Variants in WASHC5 observed in about 807,000 individuals in gnomAD.
WASHC5 encodes WASH complex subunit strumpellin.
Under a neutral mutation model 150.4 loss-of-function variants are expected in WASHC5, and 101 were observed. The ratio of observed to expected loss-of-function variants is 0.67; its 90% confidence interval spans 0.57 to 0.79. WASHC5 has a LOEUF of 0.79. Ranked by LOEUF, WASHC5 falls within the 30% of genes least tolerant of loss-of-function variation. The probability of loss-of-function intolerance (pLI) is 0.00; values close to 1 mark genes in which losing one functional copy is unlikely to be tolerated. For synonymous variants in WASHC5, 467 were observed against 491.2 expected, an observed-to-expected ratio of 0.95 and a Z score of 0.65; for missense variants, 1,195 against 1,396.3, an observed-to-expected ratio of 0.86 and a Z score of 2.30.
At chr8:125,030,831 T>C (rs73704521) in intron 27 of WASHC5, among the ~76,000 whole-genome samples, 2,378 of 151,986 alleles carry the variant, frequency 0.016, 51 homozygotes, top group African/African-American at 0.055. Context: ...CCAGAAAAAG[T>C]CACTCACTAT....
chr8:125,041,634 G>A (rs544713935), intron 23 of WASHC5, among the ~76,000 whole-genome samples: 1 of 145,492 alleles, frequency 6.9e-6, no homozygotes, highest in South Asian at 2.2e-4. Flanking sequence ...GAGTGAGACT[G>A]TCTCAAAAAA....
chr8:125,052,052 C>T (rs1816255601), intron 17 of WASHC5, among the ~76,000 whole-genome samples: 1 of 152,146 alleles, frequency 6.6e-6, no homozygotes, highest in African/African-American at 2.4e-5. Context: ...TCACTAAATC[C>T]TATTTCTTAA....
chr8:125,049,139 T>A lies in WASHC5; in HGVS notation c.2246A>T (p.Asp749Val), dbSNP rs1422663286. The change falls in exon 19 of 29, where the codon GAT (aspartate) becomes GTT (valine). Residue 749 changes from aspartate to valine, a missense_variant. Physicochemically the swap from Asp to Val is radical, Grantham distance 152. Coordinates refer to ENST00000318410, the MANE Select transcript of WASHC5 (RefSeq NM_014846.4). ...GTATTCAAAAGAACGATGGAATCCATCCATGGTCGCTCCCAACTCTTTCAG... is the reference window on the plus strand; with the variant it reads ...GTATTCAAAAGAACGATGGAATCCAACCATGGTCGCTCCCAACTCTTTCAG... ...PKLKELGATMDGFHRSFEYIQ... is the reference protein window; with the variant it reads ...PKLKELGATMVGFHRSFEYIQ... The A allele has an allele frequency of 6.2e-7, 1 of 1,614,110 alleles. No individual in the cohort carries two copies. The highest frequency in any genetic ancestry group is 1.3e-5 in the African/African-American group (1 of 75,016).
intron 1 of WASHC5, among the ~76,000 whole-genome samples, chr8:125,090,081 G>C (rs1186811091): frequency 1.3e-5 from 2 of 152,188 alleles, no homozygotes. Context: ...AGTTTTTGAA[G>C]ATGGAAGAAG....
In WASHC5 at chr8:125,044,627, C is replaced by T. The variant is rs142078144; in HGVS notation, c.2576G>A (p.Arg859His). ...GGTGGTCTGGATTTCTGAGAAGAGG[C>T]GGCTGCTGGTCACTTCCTGATGAGT... Reference protein sequence around the residue: ...MKTHQEVTSSRLFSEIQTTLG... With the variant: ...MKTHQEVTSSHLFSEIQTTLG... The change falls in exon 21 of 29, where the codon CGC (arginine) becomes CAC (histidine). Residue 859 changes from arginine (R) to histidine (H), a missense_variant. Physicochemically the swap from Arg to His is conservative, Grantham distance 29. Around this residue, in one of 3 missense-constraint regions of WASHC5, gnomAD observed 997 missense variants for 1,168.1 expected, o/e 0.85. Transcript: ENST00000318410. 15 of 1,614,000 alleles carry T rather than the reference C, an allele frequency of 9.3e-6. No homozygotes were observed. Among genetic ancestry groups the T allele is most frequent in the African/African-American group, 8.0e-5 (6 of 75,022 alleles).
Position 125,067,654 on chromosome 8 carries a change from T to G in WASHC5, c.1216A>C (p.Asn406His). The G allele has an allele frequency of 1.9e-6, 3 of 1,613,704 alleles. No individual in the cohort carries two copies. The East Asian group carries it at 6.7e-5, about 36-fold the overall frequency. Residue 406 changes from asparagine (N) to histidine (H), a missense_variant, in exon 10 of 29, where the codon AAT (asparagine) becomes CAT (histidine). By Grantham distance (68) the Asn-to-His change is moderately conservative. Around this residue, in one of 3 missense-constraint regions of WASHC5, gnomAD observed 997 missense variants for 1,168.1 expected, o/e 0.85. Transcript: ENST00000318410. ...AGCAGCTGGAAGAGGATCCTGGGAT[T>G]GTACCGAGAGTCTGTTAGAATCTGG... ...KDQILTDSRY[N>H]PRILFQLLLD...
intron 28 of WASHC5, among the ~76,000 whole-genome samples, chr8:125,027,598 T>C (rs1815410197): frequency 6.6e-6 from 1 of 152,126 alleles, no homozygotes; most frequent in South Asian, 2.1e-4. Context: ...AATTATACAA[T>C]GGACTTTGGG....
chr8:125,082,101 C>CTA (rs1817282240), intron 4 of WASHC5, among the ~76,000 whole-genome samples: 1 of 152,142 alleles, frequency 6.6e-6, no homozygotes, highest in Admixed American at 6.5e-5. Flanking sequence ...TTAGTATGTA[C>CTA]TAGGTATCAG....
At chr8:125,088,037 G>T (rs564297437) in intron 1 of WASHC5, among the ~76,000 whole-genome samples, 1 of 152,216 alleles carries the variant, frequency 6.6e-6, no homozygotes, top group East Asian at 1.9e-4. Context: ...TGGATATCTG[G>T]GTATGGTCAG....
Position 125,074,998 on chromosome 8 carries a change from C to T in WASHC5, c.978G>A (p.Gln326=). Residue 326 remains glutamine, a splice_region_variant and synonymous_variant, in exon 8 of 29, where the codon CAG becomes CAA. Transcript: ENST00000318410. ...NTLDLSNVRE[Q]ASRYATVSER... ...AGAATGTCCCCAGATTAGAACCTAC[C>T]TGTTCTCTGACATTTGAAAGGTCCA... is the stretch of plus-strand genomic sequence containing the variant. 6.3e-7 allele frequency: 1 copy of T among 1,575,222 alleles called. No individual in the cohort carries two copies. The highest frequency in any genetic ancestry group is 8.7e-7 in the Non-Finnish European group (1 of 1,144,770).
At chr8:125,047,458 G>C in intron 19 of WASHC5, 127 bp from the exon 20 acceptor site, 1 of 832,742 alleles carries the variant, frequency 1.2e-6, no homozygotes, top group Admixed American at 2.2e-5. Context: ...TTTTTTTTTA[G>C]ATGGAGTCTC....
rs1209750091 is a variant in WASHC5 at position 125,076,281 on chromosome 8, G to C, written c.864+67C>G. On this transcript the variant is annotated intron_variant, in intron 7 of 28. Coordinates refer to ENST00000318410, the MANE Select transcript of WASHC5 (RefSeq NM_014846.4). ...CAACATTACAACCTGTGGGTTAAAG[G>C]CCAAAAGAATGGGAAGTTAGTTCTC... 4.7e-6 allele frequency: 7 copies of C among 1,477,912 alleles called. No individual in the cohort carries two copies. In the Admixed American group the frequency reaches 1.2e-4, roughly 25 times the overall value. The allele number at this position is 1,477,912 out of a possible 1,614,324, so 91.5% of individuals were successfully genotyped here.
rs551298653 is a variant in WASHC5, at chr8:125,049,127, C to T, written c.2258G>A (p.Arg753His). The change falls in exon 19 of 29, where the codon CGT becomes CAT. Residue 753 changes from arginine (R) to histidine (H), a missense_variant. Physicochemically the swap from Arg to His is conservative, Grantham distance 29 (BLOSUM62 0). Transcript: ENST00000318410. ...ELGATMDGFH[R>H]SFEYIQDYVN... Reference sequence around the variant, plus strand: ...ATAGTCCTGTATGTATTCAAAAGAACGATGGAATCCATCCATGGTCGCTCC... The same window carrying T: ...ATAGTCCTGTATGTATTCAAAAGAATGATGGAATCCATCCATGGTCGCTCC... 27 of 1,613,824 alleles carry T rather than the reference C, an allele frequency of 1.7e-5. No homozygotes were observed. Among genetic ancestry groups the T allele is most frequent in the Non-Finnish European group, 2.1e-5 (25 of 1,179,996 alleles).
chr8:125,081,818 A>G, intron 4 of WASHC5, 57 bp from the exon 5 acceptor site: 1 of 998,052 alleles, frequency 1.0e-6, no homozygotes, highest in Middle Eastern at 2.1e-4. Context: ...CTTAGGGAGT[A>G]AAGTCGGTAA....
intron 12 of WASHC5, among the ~76,000 whole-genome samples, chr8:125,059,780 GTAT>G (rs527844772): frequency 9.2e-5 from 14 of 152,292 alleles, no homozygotes; most frequent in African/African-American, 2.9e-4. Flanking sequence ...TGGAATTTGT[GTAT>G]TATTAAGTTC....
At chr8:125,045,777 A>G (rs1480695416) in intron 20 of WASHC5, among the ~76,000 whole-genome samples, 1 of 152,112 alleles carries the variant, frequency 6.6e-6, no homozygotes, top group East Asian at 1.9e-4. Flanking sequence ...CACCAAGTAC[A>G]CTCTGATGTG....
chr8:125,060,014 T>C (rs1417724157), intron 12 of WASHC5, among the ~76,000 whole-genome samples: 1 of 152,296 alleles, frequency 6.6e-6, no homozygotes, highest in East Asian at 1.9e-4. Context: ...AATAAGAAAC[T>C]TTGGTAGAAT....
At chr8:125,033,203 G>C (rs1270351761) in intron 26 of WASHC5, among the ~76,000 whole-genome samples, 3 of 152,170 alleles carry the variant, frequency 2.0e-5, no homozygotes, top group Non-Finnish European at 4.4e-5. Context: ...GGAAGGTTTA[G>C]GTTGCCTGAT....
chr8:125,084,030 C>A lies in WASHC5; in HGVS notation c.-124-8G>T, dbSNP rs1586391023. On this transcript the variant is annotated splice_region_variant and splice_polypyrimidine_tract_variant and intron_variant, in intron 1 of 28. Coordinates refer to ENST00000318410, the MANE Select transcript of WASHC5 (RefSeq NM_014846.4). Reference sequence around the variant, plus strand: ...GCTCCTCCATTAAAGAACCTGTATCCCCAAAAAAAGTGTGAAAATCTCAAT... The same window carrying A: ...GCTCCTCCATTAAAGAACCTGTATCACCAAAAAAAGTGTGAAAATCTCAAT... The A allele has an allele frequency of 1.2e-6, 1 of 837,812 alleles. No individual in the cohort carries two copies. The highest frequency in any genetic ancestry group is 1.5e-5 in the South Asian group (1 of 66,878). 51.9% of individuals were successfully genotyped at this position (837,812 alleles called of 1,614,324 possible).
Sources: gnomAD v4.1 joint callset for allele counts (sites outside exome capture counted in the v4.1 genomes callset) on GRCh38, gnomAD v4.1.1 for gene constraint, gnomAD v4.1.1 regional missense constraint, MANE v1.5 for transcripts, NCBI Gene and HGNC (gene_info 2026-07-23, HGNC 2026-07-21) for gene names.